The following MYZAP variants were observed in gnomAD, a reference collection of about 807,000 sequenced individuals.
The protein encoded by MYZAP is myocardial zonula adherens protein.
A neutral mutation model predicts 69.4 loss-of-function variants in MYZAP; 66 were observed. The observed-to-expected ratio is 0.95, with a 90% CI of 0.78 to 1.17. MYZAP has a LOEUF of 1.17. MYZAP is among the 50% of genes most tolerant of loss of function. The pLI is 0.00. For synonymous variants in MYZAP, 256 were observed against 205.9 expected, an observed-to-expected ratio of 1.24 and a Z score of -2.09; for missense variants, 611 against 556.2, an observed-to-expected ratio of 1.10 and a Z score of -0.99.
intron 11 of MYZAP, among the ~76,000 whole-genome samples, chr15:57,666,697 T>C (rs2038587368): frequency 6.6e-6 from 1 of 152,106 alleles, no homozygotes. Context: ...GGAAAAGGTC[T>C]GAAAAACCAC....
chr15:57,683,354 G>T (rs2039533028), intron 12 of MYZAP, among the ~76,000 whole-genome samples: 2 of 152,222 alleles, frequency 1.3e-5, no homozygotes, highest in South Asian at 4.1e-4. Flanking sequence ...CCACAGAGTA[G>T]GGTGGAGAAG....
intron 10 of MYZAP, among the ~76,000 whole-genome samples, chr15:57,645,527 G>C (rs553318851): frequency 6.6e-6 from 1 of 152,164 alleles, no homozygotes; most frequent in South Asian, 2.1e-4. Flanking sequence ...CTATAAAATA[G>C]GGTTAATAAT....
intron 10 of MYZAP, among the ~76,000 whole-genome samples, chr15:57,643,723 T>G (rs1443919970): frequency 6.6e-6 from 1 of 151,340 alleles, no homozygotes; most frequent in Non-Finnish European, 1.5e-5. Flanking sequence ...CAGTAATTTC[T>G]TAAGAGGTTT....
intron 1 of MYZAP, among the ~76,000 whole-genome samples, chr15:57,596,846 A>G (rs1198344001): frequency 6.6e-6 from 1 of 152,068 alleles, no homozygotes; most frequent in African/African-American, 2.4e-5. Flanking sequence ...TGTCTCCTCT[A>G]GGAAGCCTGC....
rs1449978906 is a variant in MYZAP, at chr15:57,618,040, A to G, written c.170A>G (p.Asp57Gly). 1.5e-5 allele frequency: 24 copies of G among 1,612,354 alleles called. No individual in the cohort carries two copies. The highest frequency in any genetic ancestry group is 1.3e-4 in the East Asian group (6 of 44,870). ...TTTCCTACTTTCTTTTAGCTTCTTG[A>G]CCTGAGCAATGGAGAACCTACCAGG... Reference protein sequence around the residue: ...KKIERKEQLLDLSNGEPTRKL... With the variant: ...KKIERKEQLLGLSNGEPTRKL... The change falls in exon 3 of 13, where the codon GAC (aspartate) becomes GGC (glycine). Residue 57 changes from aspartate to glycine, a missense_variant. Coordinates refer to ENST00000267853, the MANE Select transcript of MYZAP (RefSeq NM_001018100.5).
chr15:57,630,312 CTT>C (rs150482159), intron 6 of MYZAP, among the ~76,000 whole-genome samples: 4,515 of 152,286 alleles, frequency 0.03, 228 homozygotes, highest in African/African-American at 0.1. Context: ...GCATGCCTTT[CTT>C]GGCCTCCAGT....
chr15:57,682,293 T>C (rs1434492146), intron 12 of MYZAP, among the ~76,000 whole-genome samples: 2 of 152,116 alleles, frequency 1.3e-5, no homozygotes, highest in Non-Finnish European at 2.9e-5. Flanking sequence ...CTGGAAGTAG[T>C]AGAAGTCATT....
chr15:57,662,300 T>C (rs1321889329), intron 11 of MYZAP, among the ~76,000 whole-genome samples: 1 of 152,230 alleles, frequency 6.6e-6, no homozygotes, highest in Non-Finnish European at 1.5e-5. Context: ...CACCTGTCCT[T>C]ATCTGTGTTC....
At position 57,591,976 on chromosome 15, in the gene MYZAP, C is replaced by T; in HGVS notation, c.-59C>T. 2 of 1,373,794 alleles carry T rather than the reference C, an allele frequency of 1.5e-6. No homozygotes were observed. Among genetic ancestry groups the T allele is most frequent in the South Asian group, 3.3e-5 (2 of 61,306 alleles). The allele number at this position is 1,373,794 out of a possible 1,614,324, so 85.1% of individuals were successfully genotyped here. ...GCCCCCGCGCAGGGCGGGCCCCGCACGCTTATTCTGCCCGGGAGGAACGCC... is the reference window on the plus strand; with the variant it reads ...GCCCCCGCGCAGGGCGGGCCCCGCATGCTTATTCTGCCCGGGAGGAACGCC... On this transcript the variant is annotated 5_prime_UTR_variant, in exon 1 of 13. It adds an upstream start codon to the 5' untranslated region. Coordinates refer to ENST00000267853, the MANE Select transcript of MYZAP (RefSeq NM_001018100.5).
chr15:57,675,882 AC>A (rs1439604808), intron 12 of MYZAP, among the ~76,000 whole-genome samples: 1 of 152,220 alleles, frequency 6.6e-6, no homozygotes, highest in African/African-American at 2.4e-5. Context: ...AATCAAAGTC[AC>A]AAAATGCCTG....
chr15:57,599,641 T>C (rs2034287901), intron 1 of MYZAP: 1 of 1,289,066 alleles, frequency 7.8e-7, no homozygotes, highest in Non-Finnish European at 1.0e-6. Context: ...CTGGGGCATC[T>C]CTGGAGATTG....
chr15:57,661,713 C>G (rs1324195018), intron 11 of MYZAP, among the ~76,000 whole-genome samples, 180 bp downstream of exon 11: 2 of 152,134 alleles, frequency 1.3e-5, no homozygotes, highest in African/African-American at 4.8e-5. Flanking sequence ...TACCATCGGA[C>G]TCCCCTCATT....
At position 57,685,122 on chromosome 15, in the gene MYZAP, G is replaced by T. The variant is rs2039631540; in HGVS notation, c.*624G>T. Reference sequence around the variant, plus strand: ...ATGCGCTAGTCCCTTGGTTTAATTTGTGCCTTATGCTTTCATTGGACCAGC... The same window carrying T: ...ATGCGCTAGTCCCTTGGTTTAATTTTTGCCTTATGCTTTCATTGGACCAGC... On this transcript the variant is annotated 3_prime_UTR_variant, in exon 13 of 13. Transcript: ENST00000267853. 1 of 152,088 alleles carries T rather than the reference G, an allele frequency of 6.6e-6. No individual in the cohort carries two copies. The highest frequency in any genetic ancestry group is 6.6e-5 in the Admixed American group (1 of 15,262). 9.4% of individuals were successfully genotyped at this position (152,088 alleles called of 1,614,324 possible).
intron 4 of MYZAP, among the ~76,000 whole-genome samples, chr15:57,625,466 C>G (rs1464985001): frequency 6.6e-6 from 1 of 152,204 alleles, no homozygotes; most frequent in Non-Finnish European, 1.5e-5. Flanking sequence ...AGCGCCACTT[C>G]TGAGCTGTTT....
Position 57,633,777 on chromosome 15 carries a change from C to T in MYZAP, c.933+36C>T, listed in dbSNP as rs1317516440. The T allele has an allele frequency of 2.7e-6, 4 of 1,477,916 alleles. No individual in the cohort carries two copies. In the African/African-American group the frequency reaches 5.6e-5, roughly 21 times the overall value. 91.6% of individuals were successfully genotyped at this position (1,477,916 alleles called of 1,614,324 possible). On this transcript the variant is annotated intron_variant, in intron 8 of 12. Coordinates refer to ENST00000267853, the MANE Select transcript of MYZAP (RefSeq NM_001018100.5). ...GCGTTGGGCCTATTGCCCACTTGCCCAAACTTTTCCCTGTAGGTCCATCTG... is the reference window on the plus strand; with the variant it reads ...GCGTTGGGCCTATTGCCCACTTGCCTAAACTTTTCCCTGTAGGTCCATCTG...
chr15:57,634,399 C>T (rs1309965633), intron 8 of MYZAP, among the ~76,000 whole-genome samples: 1 of 152,132 alleles, frequency 6.6e-6, no homozygotes, highest in East Asian at 1.9e-4. Context: ...AGTTCAGGGC[C>T]AAGTCTGTGG....
chr15:57,676,125 C>G (rs2039100991), intron 12 of MYZAP, among the ~76,000 whole-genome samples: 1 of 152,130 alleles, frequency 6.6e-6, no homozygotes. Flanking sequence ...CTCGGTTTCT[C>G]AACTTCTAAA....
At chr15:57,610,801 G>A (rs2035057417) in intron 2 of MYZAP, among the ~76,000 whole-genome samples, 2 of 152,150 alleles carry the variant, frequency 1.3e-5, no homozygotes, top group Admixed American at 6.6e-5. Context: ...CAGACACGGA[G>A]GAGGAGCTGG....
chr15:57,644,728 A>G (rs865836712), intron 10 of MYZAP, among the ~76,000 whole-genome samples: 3 of 152,086 alleles, frequency 2.0e-5, no homozygotes, highest in Non-Finnish European at 2.9e-5. Context: ...GGCCTCTCAG[A>G]GTGTTGGGAT....
Sources: gnomAD v4.1 joint callset for allele counts (sites outside exome capture counted in the v4.1 genomes callset) on GRCh38, gnomAD v4.1.1 for gene constraint, MANE v1.5 for transcripts, NCBI Gene and HGNC (gene_info 2026-07-23, HGNC 2026-07-21) for gene names.